Variants in IL19 observed in about 807,000 individuals in gnomAD.
The protein encoded by IL19 is interleukin-19.
In IL19, 15 loss-of-function variants were observed where a neutral mutation model predicts 19.5. The ratio of observed to expected loss-of-function variants is 0.77; its 90% CI spans 0.52 to 1.19. The LOEUF (loss-of-function observed/expected upper bound fraction) is 1.19, where lower values mean the gene tolerates loss of function less well. Among genes scored for constraint, IL19 ranks in the 50% most tolerant of loss-of-function variants. The pLI, the probability that IL19 is intolerant of heterozygous loss-of-function variation, is 0.00. For synonymous variants in IL19, 78 were observed against 78.3 expected (o/e 1.00, Z 0.02); for missense variants, 199 against 213.1 (o/e 0.93, Z 0.41).
At chr1:206,835,571 T>C (rs908036737) in intron 2 of IL19, among the ~76,000 whole-genome samples, 3 of 152,214 alleles carry the variant, frequency 2.0e-5, no homozygotes, top group Non-Finnish European at 4.4e-5. Flanking sequence ...GCTTTAACTA[T>C]AGCTCTACAG....
intron 2 of IL19, among the ~76,000 whole-genome samples, chr1:206,820,829 A>C (rs1266150807): frequency 6.6e-6 from 1 of 152,114 alleles, no homozygotes; most frequent in African/African-American, 2.4e-5. Context: ...GCTTTCAAAC[A>C]CTGCCCATAT....
At chr1:206,838,680 G>A (rs1676882824) in intron 4 of IL19, among the ~76,000 whole-genome samples, 1 of 152,040 alleles carries the variant, frequency 6.6e-6, no homozygotes, top group African/African-American at 2.4e-5. Flanking sequence ...AGGTTGGGAA[G>A]TAGCTCATGT....
At chr1:206,824,605 A>G (rs1676383234) in intron 2 of IL19, among the ~76,000 whole-genome samples, 1 of 152,162 alleles carries the variant, frequency 6.6e-6, no homozygotes, top group South Asian at 2.1e-4. Flanking sequence ...GGGAAGATAG[A>G]CTGACCTGGT....
chr1:206,792,463 C>G (rs1675431601), intron 1 of IL19, among the ~76,000 whole-genome samples: 1 of 151,296 alleles, frequency 6.6e-6, no homozygotes, highest in Admixed American at 6.6e-5. Context: ...CCCACCCCGC[C>G]TTTTTTTTTC....
chr1:206,779,613 C>T (rs532684578), intron 1 of IL19, among the ~76,000 whole-genome samples: 1 of 152,176 alleles, frequency 6.6e-6, no homozygotes. Flanking sequence ...TAATTATTTC[C>T]AAGCACCAAT....
intron 2 of IL19, among the ~76,000 whole-genome samples, chr1:206,807,988 A>T (rs564581804): frequency 1.3e-5 from 2 of 152,362 alleles, no homozygotes; most frequent in South Asian, 2.1e-4. Flanking sequence ...AAAACAGTAA[A>T]TAAACACATT....
intron 2 of IL19, among the ~76,000 whole-genome samples, chr1:206,806,590 G>C (rs141574912): frequency 6.6e-6 from 1 of 152,072 alleles, no homozygotes; most frequent in South Asian, 2.1e-4. Context: ...GTATGCACTC[G>C]GAAAATACAA....
chr1:206,840,130 C>T, intron 5 of IL19, 128 bp downstream of exon 5: 1 of 1,055,838 alleles, frequency 9.5e-7, no homozygotes, highest in Non-Finnish European at 1.5e-6. Flanking sequence ...CGCACGTCCA[C>T]AGGGAGAACT....
intron 1 of IL19, chr1:206,772,184 C>T (rs750977128): frequency 2.5e-6 from 3 of 1,181,986 alleles, no homozygotes; most frequent in Non-Finnish European, 3.8e-6. Context: ...GGTGGAGGCG[C>T]AGGAGGAGGG....
At chr1:206,805,615 C>G (rs1675828746) in intron 2 of IL19, among the ~76,000 whole-genome samples, 1 of 151,982 alleles carries the variant, frequency 6.6e-6, no homozygotes, top group South Asian at 2.1e-4. Context: ...GAGTAAAAGG[C>G]AAACTGAAGA....
rs965149198 is a variant in IL19, at chr1:206,842,739, C to T, written c.*117C>T. ...GAAGGCCCCTTGCAGCTGAAAGTCC[C>T]ACTGGCTGGCCTCAGGCTGTCTTAT... On this transcript the variant is annotated 3_prime_UTR_variant, in exon 7 of 7. Transcript: ENST00000659997. The T allele has an allele frequency of 1.9e-5, 12 of 623,956 alleles. No homozygotes were observed. The Admixed American group carries it at 3.3e-4, about 17-fold the overall frequency. The allele number at this position is 623,956 out of a possible 1,614,324, so 38.7% of individuals were successfully genotyped here. A position where few individuals can be genotyped will look rare whatever the true frequency, so the allele number is the denominator to read the frequency against.
chr1:206,812,814 A>G (rs1676047712), intron 2 of IL19, among the ~76,000 whole-genome samples: 1 of 152,150 alleles, frequency 6.6e-6, no homozygotes, highest in Non-Finnish European at 1.5e-5. Context: ...GTATTTGTAT[A>G]TATTAATTAT....
chr1:206,802,522 G>A (rs1324850804), intron 2 of IL19, among the ~76,000 whole-genome samples: 2 of 152,066 alleles, frequency 1.3e-5, no homozygotes, highest in Non-Finnish European at 2.9e-5. Context: ...CCAAGATCAC[G>A]AAGCCAATAA....
At chr1:206,774,361 TTCTG>T (rs1256478901) in intron 1 of IL19, among the ~76,000 whole-genome samples, 1 of 152,156 alleles carries the variant, frequency 6.6e-6, no homozygotes, top group Non-Finnish European at 1.5e-5. Flanking sequence ...GGCTTAAGGG[TTCTG>T]TCTGAGTTCT....
At chr1:206,840,599 A>G (rs2102492416) in intron 5 of IL19, 1 of 209,262 alleles carries the variant, frequency 4.8e-6, no homozygotes, top group Middle Eastern at 2.0e-3. Flanking sequence ...TCCTACTTGC[A>G]TTAATATGAT....
At chr1:206,773,754 G>A (rs1674922405) in intron 1 of IL19, among the ~76,000 whole-genome samples, 1 of 152,110 alleles carries the variant, frequency 6.6e-6, no homozygotes, top group African/African-American at 2.4e-5. Context: ...CTTTGATTGA[G>A]CCTTCACCTT....
At chr1:206,807,658 C>T (rs573380048) in intron 2 of IL19, among the ~76,000 whole-genome samples, 3 of 152,246 alleles carry the variant, frequency 2.0e-5, no homozygotes, top group African/African-American at 7.2e-5. Flanking sequence ...CAAATTGTAG[C>T]TATATATTTA....
At chr1:206,813,348 G>A (rs1026305402) in intron 2 of IL19, among the ~76,000 whole-genome samples, 1 of 152,302 alleles carries the variant, frequency 6.6e-6, no homozygotes, top group Non-Finnish European at 1.5e-5. Flanking sequence ...TGTTACCCCA[G>A]AGAAGCTCCT....
rs772088257 is a variant in IL19 at position 206,836,803 on chromosome 1, C to T, written c.141C>T (p.Ala47=). The stretch of plus-strand genomic sequence containing the variant: ...AGAGTTTCCAAGAAATCAAAAGAGC[C>T]ATCGTGAGTATGGGTTGGTGTAAAG... The part of the protein sequence containing the change: ...IEESFQEIKR[A]IQAKDTFPNV... The change falls in exon 3 of 7, where the codon GCC becomes GCT. Residue 47 remains alanine, a synonymous_variant. Coordinates refer to ENST00000659997, the MANE Select transcript of IL19 (RefSeq NM_153758.5). 4 of 1,614,078 alleles carry T rather than the reference C, an allele frequency of 2.5e-6. No homozygotes were observed. The highest frequency in any genetic ancestry group is 2.5e-6 in the Non-Finnish European group (3 of 1,179,988).
Sources: allele counts gnomAD v4.1 joint callset (sites outside exome capture counted in the v4.1 genomes callset), GRCh38; gene constraint gnomAD v4.1.1; transcripts MANE v1.5; gene names NCBI Gene and HGNC (gene_info 2026-07-23, HGNC 2026-07-21).